Variants in FMNL2 observed in about 807,000 individuals in gnomAD.
FMNL2 encodes formin-like protein 2.
A neutral mutation model predicts 130.2 loss-of-function variants in FMNL2; 51 were observed. The ratio of observed to expected loss-of-function variants is 0.39; its 90% CI spans 0.31 to 0.49. FMNL2 has a LOEUF of 0.49. Among genes scored for constraint, FMNL2 ranks in the 20% least tolerant of loss-of-function variants. FMNL2 has a pLI of 0.85. For missense variants in FMNL2, 977 were observed against 1,316.2 expected, an observed-to-expected ratio of 0.74 and a Z score of 3.99; for synonymous variants, 465 against 467.1, an observed-to-expected ratio of 1.00 and a Z score of 0.06.
intron 21 of FMNL2, among the ~76,000 whole-genome samples, chr2:152,634,164 C>T (rs1347189095): frequency 6.6e-6 from 1 of 152,116 alleles, no homozygotes; most frequent in African/African-American, 2.4e-5. Context: ...TGGCCGGGTG[C>T]GGTAGCTCAT....
At chr2:152,498,595 T>C (rs995630355) in intron 1 of FMNL2, among the ~76,000 whole-genome samples, 1 of 152,240 alleles carries the variant, frequency 6.6e-6, no homozygotes, top group Non-Finnish European at 1.5e-5. Context: ...TAAGTCGTAT[T>C]ACTTCTATGT....
At chr2:152,522,115 A>T in intron 2 of FMNL2, 89 bp downstream of exon 2, 6 of 1,068,336 alleles carry the variant, frequency 5.6e-6, no homozygotes, top group Non-Finnish European at 8.3e-6. Context: ...ATCATGATTG[A>T]AAAACAAGAT....
Position 152,578,958 on chromosome 2 carries a change from A to C in FMNL2, c.776A>C (p.Asn259Thr). ...ATTGCACTAAGCCTGAACAACAAGAATCCCAGGTAAGCTGCTTTTGTAGTA... is the reference window on the plus strand; with the variant it reads ...ATTGCACTAAGCCTGAACAACAAGACTCCCAGGTAAGCTGCTTTTGTAGTA... ...NEIALSLNNKNPRTKALVLEL... is the reference protein window; with the variant it reads ...NEIALSLNNKTPRTKALVLEL... The change falls in exon 8 of 26, where the codon AAT becomes ACT. Residue 259 changes from asparagine to threonine, a missense_variant. Around this residue, in one of 4 missense-constraint regions of FMNL2, gnomAD observed 689 missense variants for 995.9 expected, o/e 0.69. Transcript: ENST00000288670. The C allele has an allele frequency of 6.2e-7, 1 of 1,613,020 alleles. No homozygotes were observed. The highest frequency in any genetic ancestry group is 8.5e-7 in the Non-Finnish European group (1 of 1,179,304).
intron 1 of FMNL2, among the ~76,000 whole-genome samples, chr2:152,445,001 G>A (rs182239052): frequency 8.7e-4 from 133 of 152,340 alleles, no homozygotes; most frequent in African/African-American, 3.2e-3. Flanking sequence ...AGCCAGTTGG[G>A]GGAGGTATCT....
At chr2:152,495,187 A>G (rs1177306450) in intron 1 of FMNL2, among the ~76,000 whole-genome samples, 2 of 152,204 alleles carry the variant, frequency 1.3e-5, no homozygotes, top group Admixed American at 6.5e-5. Context: ...TTTACTGGAA[A>G]TATACTAACA....
intron 1 of FMNL2, among the ~76,000 whole-genome samples, chr2:152,461,817 T>C (rs1348791012): frequency 1.3e-5 from 2 of 152,160 alleles, no homozygotes; most frequent in Admixed American, 6.6e-5. Context: ...CACTGTCTAA[T>C]AGAACTTTCT....
At chr2:152,469,023 G>A (rs1296331380) in intron 1 of FMNL2, among the ~76,000 whole-genome samples, 2 of 152,182 alleles carry the variant, frequency 1.3e-5, no homozygotes, top group Non-Finnish European at 2.9e-5. Flanking sequence ...CTCACAACGT[G>A]ATAAAATGAA....
chr2:152,432,387 T>G (rs1687546268), intron 1 of FMNL2, among the ~76,000 whole-genome samples: 1 of 152,182 alleles, frequency 6.6e-6, no homozygotes, highest in East Asian at 1.9e-4. Flanking sequence ...CATGCCAGTT[T>G]TCTTAAGGTC....
At chr2:152,628,190 A>C (rs1460641725) in intron 17 of FMNL2, 109 bp from the exon 18 acceptor site, 3 of 892,492 alleles carry the variant, frequency 3.4e-6, no homozygotes, top group Non-Finnish European at 5.3e-6. Flanking sequence ...GTGTTTGATG[A>C]GCTGTACCAG....
intron 1 of FMNL2, among the ~76,000 whole-genome samples, chr2:152,415,336 C>G (rs1026619250): frequency 6.6e-6 from 1 of 152,224 alleles, no homozygotes; most frequent in African/African-American, 2.4e-5. Flanking sequence ...CGCAGCTCTG[C>G]TGCATTTTGA....
chr2:152,611,613 T>C lies in FMNL2; in HGVS notation c.1062+8T>C, dbSNP rs1378785760. 1.3e-6 allele frequency: 2 copies of C among 1,542,642 alleles called. No individual in the cohort carries two copies. Among genetic ancestry groups the C allele is most frequent in the Admixed American group, 3.5e-5 (2 of 56,442 alleles). On this transcript the variant is annotated splice_region_variant and intron_variant, in intron 11 of 25. Coordinates refer to ENST00000288670, the MANE Select transcript of FMNL2 (RefSeq NM_052905.4). ...CTGGACGAATACTTGGACGTGAGTA[T>C]AGCTGTGACCTTTGGCTCCAATATA... is the stretch of plus-strand genomic sequence containing the variant.
chr2:152,383,642 C>T (rs1048540167), intron 1 of FMNL2, among the ~76,000 whole-genome samples: 1 of 152,088 alleles, frequency 6.6e-6, no homozygotes, highest in East Asian at 1.9e-4. Context: ...TAATATCTTA[C>T]TGTTATTATA....
chr2:152,369,832 T>A (rs567862160), intron 1 of FMNL2, among the ~76,000 whole-genome samples: 5 of 152,348 alleles, frequency 3.3e-5, no homozygotes, highest in African/African-American at 1.2e-4. Flanking sequence ...GGGGAAGGCA[T>A]TTATAGCATA....
chr2:152,427,143 C>G (rs1579637567), intron 1 of FMNL2, among the ~76,000 whole-genome samples: 2 of 152,192 alleles, frequency 1.3e-5, no homozygotes, highest in African/African-American at 4.8e-5. Flanking sequence ...AGGTCCCAAA[C>G]TAGCATAAAA....
At chr2:152,374,599 A>C (rs1461645416) in intron 1 of FMNL2, among the ~76,000 whole-genome samples, 4 of 152,230 alleles carry the variant, frequency 2.6e-5, no homozygotes, top group Admixed American at 1.3e-4. Flanking sequence ...TGGCTTAAAA[A>C]AATTCTGCAT....
chr2:152,451,177 C>CT (rs1265574614), intron 1 of FMNL2, among the ~76,000 whole-genome samples: 4 of 152,068 alleles, frequency 2.6e-5, no homozygotes, highest in Non-Finnish European at 5.9e-5. Context: ...GAGATGGAGT[C>CT]TCGCTCTGTT....
intron 1 of FMNL2, among the ~76,000 whole-genome samples, chr2:152,386,502 A>T (rs1442942195): frequency 1.6e-5 from 1 of 63,468 alleles, no homozygotes; most frequent in Middle Eastern, 5.7e-3. Flanking sequence ...AAGTCCTTTG[A>T]CCATTCATTA....
chr2:152,409,812 C>G (rs1461162431), intron 1 of FMNL2, among the ~76,000 whole-genome samples: 1 of 152,134 alleles, frequency 6.6e-6, no homozygotes, highest in Non-Finnish European at 1.5e-5. Context: ...ATAATTTTCC[C>G]AGGGTCATAT....
intron 9 of FMNL2, among the ~76,000 whole-genome samples, chr2:152,597,144 G>A (rs899520230): frequency 1.3e-5 from 2 of 152,184 alleles, no homozygotes; most frequent in African/African-American, 4.8e-5. Flanking sequence ...TAAATACTGG[G>A]AAGCAGTCAG....
Sources: gnomAD v4.1 joint callset for allele counts (sites outside exome capture counted in the v4.1 genomes callset) on GRCh38, gnomAD v4.1.1 for gene constraint, gnomAD v4.1.1 regional missense constraint, MANE v1.5 for transcripts, NCBI Gene and HGNC (gene_info 2026-07-23, HGNC 2026-07-21) for gene names.